CSF2RB: variants seen among roughly 807,000 people sequenced by gnomAD.
The protein encoded by CSF2RB is colony stimulating factor 2 receptor subunit beta.
Under a neutral mutation model 67.2 loss-of-function variants are expected in CSF2RB, and 22 were observed. The ratio of observed to expected loss-of-function variants is 0.33; its 90% CI spans 0.23 to 0.47. The LOEUF (loss-of-function observed/expected upper bound fraction) is 0.47, where lower values mean the gene tolerates loss of function less well. Among genes scored for constraint, CSF2RB ranks in the 20% least tolerant of loss-of-function variants. The probability of loss-of-function intolerance (pLI) is 1.00; values close to 1 mark genes in which losing one functional copy is unlikely to be tolerated. For synonymous variants in CSF2RB, 507 were observed against 482.9 expected (o/e 1.05, Z -0.65); for missense variants, 1,113 against 1,174.5 (o/e 0.95, Z 0.76).
At position 36,939,153 on chromosome 22, in the gene CSF2RB, G is replaced by A. The variant is rs951606327; in HGVS notation, c.*651G>A. 25 of 702,128 alleles carry A rather than the reference G, an allele frequency of 3.6e-5. No homozygotes were observed. The East Asian group carries it at 4.6e-4, about 13-fold the overall frequency. The allele number at this position is 702,128 out of a possible 1,614,324, so 43.5% of individuals were successfully genotyped here. A position where few individuals can be genotyped will look rare whatever the true frequency, so the allele number is the denominator to read the frequency against. ...GGGTCGGGGGGGCGGTGCAAGGGAC[G>A]CACATGAGAGACTGTTTGGGAGCTT... On this transcript the variant is annotated 3_prime_UTR_variant, in exon 14 of 14. Coordinates refer to ENST00000403662, the MANE Select transcript of CSF2RB (RefSeq NM_000395.3).
At chr22:36,923,912 T>C in intron 3 of CSF2RB, 1 of 581,058 alleles carries the variant, frequency 1.7e-6, no homozygotes, top group Non-Finnish European at 2.7e-6. Context: ...AGGCCCCCCC[T>C]CCGTATGTGG....
intron 9 of CSF2RB, 129 bp downstream of exon 9, chr22:36,933,033 G>A (rs1205688164): frequency 7.2e-6 from 8 of 1,110,910 alleles, no homozygotes; most frequent in South Asian, 2.9e-5. Context: ...CCACTGGGAC[G>A]TGGTGATCAC....
intron 9 of CSF2RB, among the ~76,000 whole-genome samples, 167 bp from the exon 10 acceptor site, chr22:36,933,665 C>T (rs1466025184): frequency 1.3e-5 from 2 of 152,142 alleles, no homozygotes; most frequent in African/African-American, 2.4e-5. Context: ...AAGTGCTGTC[C>T]GTGGGTGGGC....
chr22:36,936,586 C>T lies in CSF2RB; in HGVS notation c.1502C>T (p.Ser501Leu), dbSNP rs561020060. The T allele has an allele frequency of 6.8e-6, 11 of 1,613,458 alleles. No individual in the cohort carries two copies. Among genetic ancestry groups the T allele is most frequent in the East Asian group, 4.5e-5 (2 of 44,874 alleles). The change falls in exon 13 of 14, where the codon TCG (serine) becomes TTG (leucine). Residue 501 changes from serine (S) to leucine (L), a missense_variant. By Grantham distance (145) the Ser-to-Leu change is moderately radical. Transcript: ENST00000403662. ...SAELWPPGSM[S>L]AFTSGSPPHQ... ...GAGCTTTGGCCCCCAGGCAGCATGTCGGCCTTCACTAGCGGGAGTCCCCCA... is the reference window on the plus strand; with the variant it reads ...GAGCTTTGGCCCCCAGGCAGCATGTTGGCCTTCACTAGCGGGAGTCCCCCA...
chr22:36,929,478 T>A lies in CSF2RB; in HGVS notation c.468T>A (p.Leu156=). The change falls in exon 5 of 14, where the codon CTT becomes CTA. Residue 156 remains leucine, a synonymous_variant. Transcript: ENST00000403662. The part of the protein sequence containing the change: ...DHFLLTWSVA[L]GSPQSHWLSP... Reference sequence around the variant, plus strand: ...TCCTGCTGACCTGGAGTGTGGCCCTTGGGAGTCCCCAGAGCCACTGGTTGT... The same window carrying A: ...TCCTGCTGACCTGGAGTGTGGCCCTAGGGAGTCCCCAGAGCCACTGGTTGT... 6.2e-7 allele frequency: 1 copy of A among 1,614,130 alleles called. No homozygotes were observed. The highest frequency in any genetic ancestry group is 8.5e-7 in the Non-Finnish European group (1 of 1,180,008).
At chr22:36,935,314 G>A (rs1415795756) in intron 10 of CSF2RB, 37 bp from the exon 11 acceptor site, 2 of 1,606,682 alleles carry the variant, frequency 1.2e-6, no homozygotes, top group Non-Finnish European at 1.7e-6. Flanking sequence ...TTCCCGCCCA[G>A]ATGCTGACAT....
Position 36,938,168 on chromosome 22 carries a change from C to A in CSF2RB, c.2360C>A (p.Pro787His), listed in dbSNP as rs139908463. ...TCACCAAGGAACAATCCTGTCCCCC[C>A]TGAGGCCAAAAGCCCTGTCCTGAAC... ...PRSPRNNPVP[P>H]EAKSPVLNPG... is the part of the protein sequence containing the mutation. The change falls in exon 14 of 14, where the codon CCT becomes CAT. Residue 787 changes from proline (P) to histidine (H), a missense_variant. Around this residue, in one of 2 missense-constraint regions of CSF2RB, gnomAD observed 554 missense variants for 517.9 expected, o/e 1.07. Transcript: ENST00000403662. 1.4e-5 allele frequency: 23 copies of A among 1,614,154 alleles called. No individual in the cohort carries two copies. In the African/African-American group the frequency reaches 2.5e-4, roughly 18 times the overall value.
chr22:36,938,453 A>G lies in CSF2RB; in HGVS notation c.2645A>G (p.Tyr882Cys), dbSNP rs753753400. Residue 882 changes from tyrosine (Y) to cysteine (C), a missense_variant, in exon 14 of 14, where the codon TAC (tyrosine) becomes TGC (cysteine). Physicochemically the swap from Tyr to Cys is radical, Grantham distance 194. Transcript: ENST00000403662. The stretch of plus-strand genomic sequence containing the variant: ...TTCAAAGCCCTGAAGCAGCAGGACT[A>G]CCTGTCTCTGCCCCCTTGGGAGGTC... ...QLFKALKQQDYLSLPPWEVNK... is the reference protein window; with the variant it reads ...QLFKALKQQDCLSLPPWEVNK... 3.1e-6 allele frequency: 5 copies of G among 1,614,092 alleles called. No homozygotes were observed. The highest frequency in any genetic ancestry group is 4.2e-6 in the Non-Finnish European group (5 of 1,179,988).
At chr22:36,916,586 A>C (rs1013950737) in intron 1 of CSF2RB, among the ~76,000 whole-genome samples, 1 of 152,138 alleles carries the variant, frequency 6.6e-6, no homozygotes, top group Non-Finnish European at 1.5e-5. Context: ...GGCCAGGCAC[A>C]GTGGCTCATG....
At chr22:36,920,062 C>T (rs1940819317) in intron 1 of CSF2RB, among the ~76,000 whole-genome samples, 1 of 152,172 alleles carries the variant, frequency 6.6e-6, no homozygotes, top group Admixed American at 6.5e-5. Context: ...CATAACATCC[C>T]ACCCCTGTTT....
At chr22:36,935,533 G>T in intron 11 of CSF2RB, 92 bp downstream of exon 11, 1 of 1,604,460 alleles carries the variant, frequency 6.2e-7, no homozygotes, top group Non-Finnish European at 8.5e-7. Context: ...CTGCTCTGCC[G>T]CTCCCTTCCT....
In CSF2RB at chr22:36,937,347, C is replaced by A; in HGVS notation, c.1569-30C>A. Reference sequence around the variant, plus strand: ...CCCGGATCATCTGCCCAGGGTGGTCCCAACTCTTCTGCCCATTTTCTTCCC... The same window carrying A: ...CCCGGATCATCTGCCCAGGGTGGTCACAACTCTTCTGCCCATTTTCTTCCC... On this transcript the variant is annotated intron_variant, in intron 13 of 13. Coordinates refer to ENST00000403662, the MANE Select transcript of CSF2RB (RefSeq NM_000395.3). The surrounding 1 kb of genome is among the most constrained non-coding windows in gnomAD (Gnocchi z 4.6). 1 of 1,610,366 alleles carries A rather than the reference C, an allele frequency of 6.2e-7. No homozygotes were observed. The highest frequency in any genetic ancestry group is 8.5e-7 in the Non-Finnish European group (1 of 1,179,892).
rs372358383 is a variant in CSF2RB, at chr22:36,939,414, G to C, written c.*912G>C. ...TTAGGGCCTTTGGTCCAAATGGCCC[G>C]GGTGGCCACTCTTCCAGATAGACCA... On this transcript the variant is annotated 3_prime_UTR_variant, in exon 14 of 14. Coordinates refer to ENST00000403662, the MANE Select transcript of CSF2RB (RefSeq NM_000395.3). The C allele has an allele frequency of 3.3e-6, 2 of 606,492 alleles. No individual in the cohort carries two copies. Among genetic ancestry groups the C allele is most frequent in the Non-Finnish European group, 5.9e-6 (2 of 336,786 alleles). 37.6% of individuals were successfully genotyped at this position (606,492 alleles called of 1,614,324 possible).
intron 4 of CSF2RB, among the ~76,000 whole-genome samples, chr22:36,927,480 G>A (rs753964790): frequency 3.2e-5 from 4 of 124,796 alleles, no homozygotes; most frequent in Non-Finnish European, 7.1e-5. Context: ...AGGGCAGTAA[G>A]AGCCTCTCTG....
At chr22:36,919,766 T>A (rs1434249311) in intron 1 of CSF2RB, among the ~76,000 whole-genome samples, 1 of 152,178 alleles carries the variant, frequency 6.6e-6, no homozygotes, top group African/African-American at 2.4e-5. Context: ...CCAAGAACTC[T>A]GTTCTTTGCA....
At chr22:36,935,978 AGGAT>A (rs1941258243) in intron 12 of CSF2RB, among the ~76,000 whole-genome samples, 1 of 152,174 alleles carries the variant, frequency 6.6e-6, no homozygotes, top group African/African-American at 2.4e-5. Context: ...TCCTGCTACC[AGGAT>A]GGATGGGGTG....
At chr22:36,936,110 A>C (rs1941260389) in intron 12 of CSF2RB, among the ~76,000 whole-genome samples, 1 of 152,020 alleles carries the variant, frequency 6.6e-6, no homozygotes, top group African/African-American at 2.4e-5. Context: ...GGAGACAGAA[A>C]CCCTTCAGGA....
Position 36,938,158 on chromosome 22 carries a change from C to G in CSF2RB, c.2350C>G (p.Pro784Ala). The change falls in exon 14 of 14, where the codon CCT (proline) becomes GCT (alanine). Residue 784 changes from proline to alanine, a missense_variant. Coordinates refer to ENST00000403662, the MANE Select transcript of CSF2RB (RefSeq NM_000395.3). The stretch of plus-strand genomic sequence containing the variant: ...GTCCCCCAGGTCACCAAGGAACAAT[C>G]CTGTCCCCCCTGAGGCCAAAAGCCC... Reference protein sequence around the residue: ...GRSPRSPRNNPVPPEAKSPVL... With the variant: ...GRSPRSPRNNAVPPEAKSPVL... 1 of 1,614,108 alleles carries G rather than the reference C, an allele frequency of 6.2e-7. No individual in the cohort carries two copies. Among genetic ancestry groups the G allele is most frequent in the Non-Finnish European group, 8.5e-7 (1 of 1,180,002 alleles).
At position 36,918,688 on chromosome 22, in the gene CSF2RB, G is replaced by T. The variant is rs751274562; in HGVS notation, c.-172-3348G>T. Among the ~76,000 whole-genome samples, 5 of 152,132 alleles carry T rather than the reference G, an allele frequency of 3.3e-5. No individual in the cohort carries two copies. The South Asian group carries it at 8.3e-4, about 25-fold the overall frequency. On this transcript the variant is annotated intron_variant, in intron 1 of 13. Transcript: ENST00000403662. ...TGTGAAGCTTTCCCCATTTGCTGTT[G>T]TATCTGTTTGGCTGCACATGGAAAA...
Sources: gnomAD v4.1 joint callset for allele counts (sites outside exome capture counted in the v4.1 genomes callset) on GRCh38, gnomAD v4.1.1 for gene constraint, gnomAD v4.1.1 regional missense constraint, Gnocchi (gnomAD v3.1) non-coding constraint, MANE v1.5 for transcripts, NCBI Gene and HGNC (gene_info 2026-07-23, HGNC 2026-07-21) for gene names.